MTX2: variants seen among roughly 807,000 people sequenced by gnomAD.
MTX2 encodes the protein metaxin-2.
Under a neutral mutation model 42.3 loss-of-function variants are expected in MTX2, and 35 were observed. The observed-to-expected ratio is 0.83, with a 90% CI of 0.63 to 1.10. MTX2 has a LOEUF of 1.10. MTX2 is among the 50% of genes least tolerant of loss of function. The pLI is 0.00. For synonymous variants in MTX2, 119 were observed against 100.9 expected, an observed-to-expected ratio of 1.18 and a Z score of -1.08; for missense variants, 307 against 304.1, an observed-to-expected ratio of 1.01 and a Z score of -0.07.
intron 1 of MTX2, among the ~76,000 whole-genome samples, chr2:176,285,510 C>CCCATT (rs1283921340): frequency 1.3e-5 from 2 of 151,054 alleles, no homozygotes; most frequent in African/African-American, 4.9e-5. Flanking sequence ...AAACTCCTTG[C>CCCATT]CCATTTACAG....
chr2:176,290,386 C>T (rs548847493), intron 1 of MTX2, among the ~76,000 whole-genome samples: 1 of 152,178 alleles, frequency 6.6e-6, no homozygotes, highest in South Asian at 2.1e-4. Context: ...CAAGACTCTT[C>T]CTTGCTCTAG....
At chr2:176,296,578 GT>G (rs199923822) in intron 1 of MTX2, among the ~76,000 whole-genome samples, 3 of 151,750 alleles carry the variant, frequency 2.0e-5, no homozygotes, top group South Asian at 2.1e-4. Flanking sequence ...GAGCTATTTT[GT>G]TTTTTTTATT....
intron 3 of MTX2, among the ~76,000 whole-genome samples, chr2:176,309,704 A>G (rs1285867007): frequency 6.8e-6 from 1 of 147,936 alleles, no homozygotes; most frequent in Non-Finnish European, 1.5e-5. Flanking sequence ...ATCAGAGACC[A>G]GGATTGCAAC....
At chr2:176,285,358 T>C (rs1475839758) in intron 1 of MTX2, among the ~76,000 whole-genome samples, 1 of 152,112 alleles carries the variant, frequency 6.6e-6, no homozygotes, top group Non-Finnish European at 1.5e-5. Context: ...CAAACCCTTT[T>C]AGATTTATAA....
At chr2:176,335,715 G>GA (rs1010133560) in intron 9 of MTX2, among the ~76,000 whole-genome samples, 1 of 152,028 alleles carries the variant, frequency 6.6e-6, no homozygotes, top group African/African-American at 2.4e-5. Flanking sequence ...TTGGATAGTG[G>GA]TGCCTTTTAT....
In MTX2 at chr2:176,321,915, A is replaced by G. The variant is rs141330166; in HGVS notation, c.136-1477A>G. Among the ~76,000 whole-genome samples, 957 of 152,222 alleles carry G rather than the reference A, an allele frequency of 6.3e-3. 12 individuals are homozygous for G. Among genetic ancestry groups the G allele is most frequent in the African/African-American group, 0.022 (900 of 41,544 alleles). On this transcript the variant is annotated intron_variant, in intron 3 of 9. Coordinates refer to ENST00000249442, the MANE Select transcript of MTX2 (RefSeq NM_006554.5). ...GCTCAATCAGTAAACAATATTGCTT[A>G]TTATAAGTAGTGCACTATGAAAGAT...
At chr2:176,324,665 A>G (rs1684668127) in intron 4 of MTX2, among the ~76,000 whole-genome samples, 1 of 151,750 alleles carries the variant, frequency 6.6e-6, no homozygotes, top group African/African-American at 2.4e-5. Flanking sequence ...CAAGTGAGAT[A>G]TCAATATAGT....
chr2:176,334,692 G>A (rs887593948), intron 9 of MTX2, among the ~76,000 whole-genome samples: 1 of 151,796 alleles, frequency 6.6e-6, no homozygotes, highest in Admixed American at 6.6e-5. Context: ...TACTACTATT[G>A]AGAAAATTAA....
chr2:176,308,344 A>G (rs1347372710), intron 3 of MTX2, among the ~76,000 whole-genome samples: 2 of 152,084 alleles, frequency 1.3e-5, no homozygotes, highest in Non-Finnish European at 1.5e-5. Flanking sequence ...GTTCATCAGT[A>G]ATGTTGGTCT....
At chr2:176,317,846 C>T (rs1684483311) in intron 3 of MTX2, among the ~76,000 whole-genome samples, 1 of 152,152 alleles carries the variant, frequency 6.6e-6, no homozygotes, top group Non-Finnish European at 1.5e-5. Flanking sequence ...TCCTGCTAGA[C>T]TGGGGGAGGG....
intron 3 of MTX2, among the ~76,000 whole-genome samples, chr2:176,307,041 G>A (rs538853470): frequency 6.6e-6 from 1 of 152,160 alleles, no homozygotes; most frequent in African/African-American, 2.4e-5. Context: ...ATGGTTTTAG[G>A]TCTAACATTT....
At chr2:176,286,319 T>C (rs1244878035) in intron 1 of MTX2, among the ~76,000 whole-genome samples, 2 of 152,206 alleles carry the variant, frequency 1.3e-5, no homozygotes, top group Non-Finnish European at 2.9e-5. Context: ...ATAATCATCA[T>C]CTGCCTAAAT....
At chr2:176,337,387 A>G (rs818364) in intron 9 of MTX2, 106 bp from the exon 10 acceptor site, 491,125 of 880,598 alleles carry the variant, frequency 0.56, 138,166 homozygotes, top group Admixed American at 0.66. Flanking sequence ...ATCTGAGGTT[A>G]GTTGAACCTA....
At chr2:176,273,027 G>A (rs971091047) in intron 1 of MTX2, among the ~76,000 whole-genome samples, 2 of 152,212 alleles carry the variant, frequency 1.3e-5, no homozygotes, top group African/African-American at 2.4e-5. Context: ...CAGCTTCAAG[G>A]TGCCGGTATC....
intron 1 of MTX2, chr2:176,270,397 C>G: frequency 7.3e-7 from 1 of 1,363,346 alleles, no homozygotes; most frequent in Non-Finnish European, 9.8e-7. Flanking sequence ...AGTCGGTGGA[C>G]TGAACATGAC....
At chr2:176,320,695 CT>C (rs34174289) in intron 3 of MTX2, among the ~76,000 whole-genome samples, 64,208 of 131,682 alleles carry the variant, frequency 0.49, 14,569 homozygotes, top group Admixed American at 0.58. Context: ...TTTACTTATT[CT>C]TTTTTTTTTT....
At chr2:176,297,083 TCATGGC>T (rs896763348) in intron 2 of MTX2, among the ~76,000 whole-genome samples, 176 bp downstream of exon 2, 1 of 152,182 alleles carries the variant, frequency 6.6e-6, no homozygotes, top group Non-Finnish European at 1.5e-5. Flanking sequence ...AACCAACTAT[TCATGGC>T]CTATAAGGTC....
intron 9 of MTX2, among the ~76,000 whole-genome samples, chr2:176,336,918 A>G (rs1685000332): frequency 6.6e-6 from 1 of 152,180 alleles, no homozygotes; most frequent in South Asian, 2.1e-4. Flanking sequence ...CACAGATACT[A>G]AAATCTGCAG....
In MTX2 at chr2:176,270,437, T is replaced by G. The variant is rs781646102; in HGVS notation, c.40+768T>G. ...GTATATAGGTTTGTAATTTCTCTTA[T>G]TGAGGTTTTTATTTATTGTAATGAA... On this transcript the variant is annotated intron_variant, in intron 1 of 9. Transcript: ENST00000249442. The G allele has an allele frequency of 1.1e-5, 15 of 1,340,672 alleles. No individual in the cohort carries two copies. In the Admixed American group the frequency reaches 1.9e-4, roughly 17 times the overall value. 83.0% of individuals were successfully genotyped at this position (1,340,672 alleles called of 1,614,324 possible).
Sources: allele counts gnomAD v4.1 joint callset (sites outside exome capture counted in the v4.1 genomes callset), GRCh38; gene constraint gnomAD v4.1.1; transcripts MANE v1.5; gene names NCBI Gene and HGNC (gene_info 2026-07-23, HGNC 2026-07-21).